The following SPON1 variants were observed in gnomAD, a reference collection of about 807,000 sequenced individuals.
SPON1 encodes spondin-1.
SPON1 carries 52 observed loss-of-function variants against 111.7 expected under a neutral mutation model. That is an observed-to-expected ratio of 0.47 (90% CI 0.37 to 0.59). The LOEUF (loss-of-function observed/expected upper bound fraction) is 0.59, where lower values mean the gene tolerates loss of function less well. Among genes scored for constraint, SPON1 ranks in the 20% least tolerant of loss-of-function variants. The probability of loss-of-function intolerance (pLI) is 0.00; values close to 1 mark genes in which losing one functional copy is unlikely to be tolerated. For missense variants in SPON1, 957 were observed against 1,068.5 expected (o/e 0.90, Z 1.46); for synonymous variants, 410 against 395.8 (o/e 1.04, Z -0.43).
chr11:14,093,265 AC>A (rs1849073236), intron 5 of SPON1, among the ~76,000 whole-genome samples: 1 of 152,248 alleles, frequency 6.6e-6, no homozygotes, highest in Non-Finnish European at 1.5e-5. Context: ...AAACAAGGTG[AC>A]TAGGCAGTGT....
chr11:14,083,419 C>A (rs1554922249), intron 5 of SPON1, among the ~76,000 whole-genome samples: 1 of 152,130 alleles, frequency 6.6e-6, no homozygotes, highest in Admixed American at 6.5e-5. Context: ...TATGGATAAT[C>A]TTTGATCCTA....
chr11:14,195,395 C>T (rs568895457), intron 6 of SPON1, among the ~76,000 whole-genome samples: 14 of 151,898 alleles, frequency 9.2e-5, no homozygotes, highest in Non-Finnish European at 1.9e-4. Context: ...ATGGCAAAGA[C>T]AAAAATGATT....
chr11:14,146,150 C>CTTT (rs10674430), intron 6 of SPON1, among the ~76,000 whole-genome samples: 47,918 of 130,624 alleles, frequency 0.37, 9,455 homozygotes, highest in East Asian at 0.52. Flanking sequence ...AATTACTATA[C>CTTT]TTTTTTTTTT....
At chr11:14,048,905 G>A (rs371066909) in intron 3 of SPON1, among the ~76,000 whole-genome samples, 8 of 152,236 alleles carry the variant, frequency 5.3e-5, no homozygotes, top group African/African-American at 9.6e-5. Context: ...TAGATCATCC[G>A]TCTCCTGAGA....
At chr11:14,188,571 A>C (rs545060545) in intron 6 of SPON1, among the ~76,000 whole-genome samples, 1 of 152,316 alleles carries the variant, frequency 6.6e-6, no homozygotes, top group Admixed American at 6.5e-5. Flanking sequence ...GGAAAGAATA[A>C]GCTCATAGCT....
chr11:14,243,256 G>T (rs782814936), intron 6 of SPON1, 76 bp from the exon 7 acceptor site: 9 of 1,363,112 alleles, frequency 6.6e-6, no homozygotes, highest in Middle Eastern at 2.0e-4. Flanking sequence ...GGGGTGAATG[G>T]TGTCACCAGG....
chr11:14,163,637 G>T lies in SPON1; in HGVS notation c.825+28069G>T, dbSNP rs73424184. 7.9e-3 allele frequency among the ~76,000 whole-genome samples: 1,198 copies of T among 152,222 alleles called. 13 individuals carry two copies. Among genetic ancestry groups the T allele is most frequent in the African/African-American group, 0.027 (1,115 of 41,516 alleles). ...TTTGTTTGAGCTCCTTGTGATTTCAGAATTTTACTGTCATCACTATGGAGA... is the reference window on the plus strand; with the variant it reads ...TTTGTTTGAGCTCCTTGTGATTTCATAATTTTACTGTCATCACTATGGAGA... On this transcript the variant is annotated intron_variant, in intron 6 of 15. Coordinates refer to ENST00000576479, the MANE Select transcript of SPON1 (RefSeq NM_006108.4).
At chr11:14,147,609 C>T (rs1278713975) in intron 6 of SPON1, among the ~76,000 whole-genome samples, 1 of 150,920 alleles carries the variant, frequency 6.6e-6, no homozygotes, top group Non-Finnish European at 1.5e-5. Flanking sequence ...TAGAGATGGG[C>T]TTTCACCATG....
chr11:14,134,067 G>C (rs1847562825), intron 5 of SPON1, among the ~76,000 whole-genome samples: 1 of 146,940 alleles, frequency 6.8e-6, no homozygotes, highest in Non-Finnish European at 1.5e-5. Flanking sequence ...CTTTTTTCAA[G>C]AGTGTTTATT....
chr11:14,192,553 CA>C (rs1848357817), intron 6 of SPON1, among the ~76,000 whole-genome samples: 1 of 152,126 alleles, frequency 6.6e-6, no homozygotes, highest in Non-Finnish European at 1.5e-5. Flanking sequence ...TACAGGGGTA[CA>C]AAAGGTGAAT....
chr11:14,219,492 C>T (rs1329241611), intron 6 of SPON1, among the ~76,000 whole-genome samples: 2 of 152,086 alleles, frequency 1.3e-5, no homozygotes, highest in African/African-American at 4.8e-5. Context: ...ACAGAAGTGA[C>T]CCTGAGATCT....
chr11:14,057,829 T>TACA (rs1848756448), intron 3 of SPON1, among the ~76,000 whole-genome samples: 1 of 47,864 alleles, frequency 2.1e-5, no homozygotes, highest in Non-Finnish European at 5.7e-5. Flanking sequence ...ACCTTGTCTC[T>TACA]ACAAAAAAAA....
chr11:14,265,157 T>C (rs1191272738), intron 15 of SPON1, among the ~76,000 whole-genome samples: 2 of 152,158 alleles, frequency 1.3e-5, no homozygotes, highest in Non-Finnish European at 2.9e-5. Flanking sequence ...CTGGGGCTTC[T>C]CTGCACATGG....
At chr11:13,970,810 C>CT (rs1848057495) in intron 1 of SPON1, among the ~76,000 whole-genome samples, 1 of 152,194 alleles carries the variant, frequency 6.6e-6, no homozygotes, top group Non-Finnish European at 1.5e-5. Context: ...TTTCCCGTCA[C>CT]TTTCGCCTGA....
intron 7 of SPON1, among the ~76,000 whole-genome samples, chr11:14,248,781 T>A (rs1849022352): frequency 6.6e-6 from 1 of 152,150 alleles, no homozygotes; most frequent in African/African-American, 2.4e-5. Flanking sequence ...TCCTGCCCGT[T>A]GAAACTGACT....
In SPON1 at chr11:14,265,905, T is replaced by G. The variant is rs1258483117; in HGVS notation, c.*218T>G. 11 of 496,418 alleles carry G rather than the reference T, an allele frequency of 2.2e-5. No homozygotes were observed. Among genetic ancestry groups the G allele is most frequent in the African/African-American group, 3.9e-5 (2 of 51,488 alleles). The allele number at this position is 496,418 out of a possible 1,614,324, so 30.8% of individuals were successfully genotyped here. On this transcript the variant is annotated 3_prime_UTR_variant, in exon 16 of 16. Coordinates refer to ENST00000576479, the MANE Select transcript of SPON1 (RefSeq NM_006108.4). The stretch of plus-strand genomic sequence containing the variant: ...CCCTCACCTCCAGCCAGCCTCTTCC[T>G]GCAGAGGAGTAGTGTCAGCCACCTT...
At chr11:14,222,943 C>G (rs1038368860) in intron 6 of SPON1, among the ~76,000 whole-genome samples, 4 of 152,194 alleles carry the variant, frequency 2.6e-5, no homozygotes, top group Non-Finnish European at 5.9e-5. Context: ...CCATCCTTTA[C>G]TGATTCCCAA....
chr11:13,996,411 G>A (rs1848272787), intron 2 of SPON1, among the ~76,000 whole-genome samples: 1 of 152,194 alleles, frequency 6.6e-6, no homozygotes, highest in Admixed American at 6.5e-5. Context: ...AATGGACATT[G>A]GGTCCTCACA....
chr11:14,208,825 C>A (rs528444062), intron 6 of SPON1, among the ~76,000 whole-genome samples: 1 of 152,190 alleles, frequency 6.6e-6, no homozygotes, highest in East Asian at 1.9e-4. Flanking sequence ...CTCTACTGTT[C>A]TATATGCCTG....
Sources: gnomAD v4.1 joint callset for allele counts (sites outside exome capture counted in the v4.1 genomes callset) on GRCh38, gnomAD v4.1.1 for gene constraint, MANE v1.5 for transcripts, NCBI Gene and HGNC (gene_info 2026-07-23, HGNC 2026-07-21) for gene names.